The following RFT1 variants were observed in gnomAD, a reference collection of about 807,000 sequenced individuals.
The protein encoded by RFT1 is man(5)GlcNAc(2)-PP-dolichol translocation protein RFT1.
Under a neutral mutation model 62.2 loss-of-function variants are expected in RFT1, and 43 were observed. The ratio of observed to expected loss-of-function variants is 0.69; its 90% CI spans 0.54 to 0.89. RFT1 has a LOEUF of 0.89. Among genes scored for constraint, RFT1 ranks in the 40% least tolerant of loss-of-function variants. The pLI is 0.00. For synonymous variants in RFT1, 262 were observed against 264.6 expected (o/e 0.99, Z 0.10); for missense variants, 605 against 649.9 (o/e 0.93, Z 0.75).
intron 2 of RFT1, 49 bp downstream of exon 2, chr3:53,125,860 C>T (rs758319605): frequency 1.4e-6 from 2 of 1,423,442 alleles, no homozygotes; most frequent in Non-Finnish European, 2.0e-6. Context: ...TGAAGAAAGC[C>T]TGGCTAGGAA....
intron 10 of RFT1, among the ~76,000 whole-genome samples, chr3:53,101,562 T>C (rs1246172532): frequency 6.6e-6 from 1 of 152,164 alleles, no homozygotes; most frequent in African/African-American, 2.4e-5. Context: ...CCTTCGATTG[T>C]AGACTGAATT....
intron 10 of RFT1, chr3:53,103,165 A>G: frequency 1.0e-6 from 1 of 985,454 alleles, no homozygotes; most frequent in Non-Finnish European, 1.2e-6. Context: ...ATTGTAGTGG[A>G]GACTAAAACA....
intron 11 of RFT1, among the ~76,000 whole-genome samples, chr3:53,096,588 C>T (rs529539186): frequency 2.8e-4 from 42 of 151,890 alleles, no homozygotes; most frequent in Non-Finnish European, 5.3e-4. Context: ...GAGGCTGAGT[C>T]GGGAGAATCA....
At chr3:53,098,089 T>C (rs1701194537) in intron 11 of RFT1, among the ~76,000 whole-genome samples, 1 of 152,256 alleles carries the variant, frequency 6.6e-6, no homozygotes, top group Admixed American at 6.5e-5. Context: ...TGTGAACTCA[T>C]GTCTCAGTCA....
At position 53,105,410 on chromosome 3, in the gene RFT1, TCC is replaced by T. The variant is rs1553654051; in HGVS notation, c.957+261_957+262del. 5.2e-4 allele frequency among the ~76,000 whole-genome samples: 61 copies of T among 117,028 alleles called. No individual in the cohort carries two copies. In the South Asian group the frequency reaches 9.2e-3, roughly 18 times the overall value. 76.8% of individuals were successfully genotyped at this position (117,028 alleles called of 152,430 possible). On this transcript the variant is annotated intron_variant, in intron 9 of 12. Coordinates refer to ENST00000296292, the MANE Select transcript of RFT1 (RefSeq NM_052859.4). ...GGCTGGGCGTCAGAGCAAGACTCTA[TCC>T]CCGCCCCCCCCCCCAAAAAGAGTAA...
At position 53,099,273 on chromosome 3, in the gene RFT1, A is replaced by C. The variant is rs1701241585; in HGVS notation, c.1208+108T>G. 13 of 879,978 alleles carry C rather than the reference A, an allele frequency of 1.5e-5. No individual in the cohort carries two copies. The South Asian group carries it at 1.8e-4, about 12-fold the overall frequency. The allele number at this position is 879,978 out of a possible 1,614,324, so 54.5% of individuals were successfully genotyped here. On this transcript the variant is annotated intron_variant, in intron 11 of 12. Transcript: ENST00000296292. ...ACTGGTGGACTAAGTGTTGCCTCTA[A>C]AACAGCCATCTGTAAATGCATGTTC... is the stretch of plus-strand genomic sequence containing the variant.
intron 8 of RFT1, among the ~76,000 whole-genome samples, chr3:53,106,036 G>A (rs1701462044): frequency 6.6e-6 from 1 of 151,536 alleles, no homozygotes; most frequent in Admixed American, 6.6e-5. Flanking sequence ...AGTTTGAGAT[G>A]AGCCTGGGAA....
intron 10 of RFT1, among the ~76,000 whole-genome samples, chr3:53,102,032 A>G (rs1701330888): frequency 6.6e-6 from 1 of 151,676 alleles, no homozygotes; most frequent in African/African-American, 2.4e-5. Flanking sequence ...GTGAGACTTC[A>G]TCTCACTAAA....
rs745602045 is a variant in RFT1, at chr3:53,092,367, AC to A, written c.1458+1del. On this transcript the variant is annotated splice_donor_variant, in intron 12 of 12. Transcript: ENST00000296292. LOFTEE classifies it high-confidence loss of function. ...GTGGCATGATGGCTCAGGGAGTCTCACCTCCGAAACAGCAGTAACCCCACCA... is the reference window on the plus strand; with the variant it reads ...GTGGCATGATGGCTCAGGGAGTCTCACTCCGAAACAGCAGTAACCCCACCA... 4 of 1,596,990 alleles carry A rather than the reference AC, an allele frequency of 2.5e-6. No homozygotes were observed. The highest frequency in any genetic ancestry group is 3.4e-6 in the Non-Finnish European group (4 of 1,172,426).
intron 7 of RFT1, among the ~76,000 whole-genome samples, chr3:53,111,180 C>T (rs1385941679): frequency 2.0e-5 from 3 of 151,842 alleles, no homozygotes; most frequent in Admixed American, 6.6e-5. Flanking sequence ...CTGAGGCAGG[C>T]GGATCACAAG....
downstream of RFT1, among the ~76,000 whole-genome samples, chr3:53,083,743 C>T (rs1344656603): frequency 6.6e-6 from 1 of 152,220 alleles, no homozygotes; most frequent in African/African-American, 2.4e-5. Flanking sequence ...CACATGGTTT[C>T]CATCATGGTT....
chr3:53,113,084 T>C (rs537502722), intron 6 of RFT1, among the ~76,000 whole-genome samples: 15 of 152,172 alleles, frequency 9.9e-5, no homozygotes, highest in Non-Finnish European at 2.2e-4. Context: ...GGCATGATCA[T>C]AGCTCACTAT....
the RFT1 span, among the ~76,000 whole-genome samples, chr3:53,080,265 T>C: frequency 6.6e-6 from 1 of 152,218 alleles, no homozygotes; most frequent in Non-Finnish European, 1.5e-5. Flanking sequence ...AATGTGTGTC[T>C]GAAAGAGCAT....
At chr3:53,126,359 T>TC (rs1247545206) in intron 1 of RFT1, among the ~76,000 whole-genome samples, 1 of 152,082 alleles carries the variant, frequency 6.6e-6, no homozygotes, top group African/African-American at 2.4e-5. Flanking sequence ...CTGGCCACAC[T>TC]CCCCCACCCC....
chr3:53,087,273 G>A (rs915577460), downstream of RFT1, among the ~76,000 whole-genome samples: 6 of 152,094 alleles, frequency 3.9e-5, no homozygotes, highest in South Asian at 2.1e-4. Flanking sequence ...TCCCCTGTTC[G>A]GATTCTCTCT....
chr3:53,113,837 G>C (rs1397775680), intron 6 of RFT1, among the ~76,000 whole-genome samples: 4 of 152,118 alleles, frequency 2.6e-5, no homozygotes, highest in Non-Finnish European at 5.9e-5. Flanking sequence ...GGCAAGCCTA[G>C]AGCACCTCTG....
At chr3:53,096,719 A>G (rs1008744047) in intron 11 of RFT1, among the ~76,000 whole-genome samples, 1 of 152,110 alleles carries the variant, frequency 6.6e-6, no homozygotes. Flanking sequence ...GGATGTTTTA[A>G]TATTTCATAT....
Position 53,105,823 on chromosome 3 carries a change from A to C in RFT1, c.827-20T>G, listed in dbSNP as rs1473615260. ...ACACACCTACAAAACAAAAAAGAAG[A>C]AACAACAATCATGTTGGTTTTTCTA... On this transcript the variant is annotated intron_variant, in intron 8 of 12. Transcript: ENST00000296292. The C allele has an allele frequency of 6.2e-7, 1 of 1,609,010 alleles. No individual in the cohort carries two copies. Among genetic ancestry groups the C allele is most frequent in the Admixed American group, 1.7e-5 (1 of 59,762 alleles).
At chr3:53,085,575 C>G (rs868530951), downstream of RFT1, among the ~76,000 whole-genome samples, 2 of 152,344 alleles carry the variant, frequency 1.3e-5, no homozygotes, top group Middle Eastern at 3.4e-3. Context: ...TGTCCTTATC[C>G]TTATATACGA....
Sources: gnomAD v4.1 joint callset for allele counts (sites outside exome capture counted in the v4.1 genomes callset) on GRCh38, gnomAD v4.1.1 for gene constraint, MANE v1.5 for transcripts, NCBI Gene and HGNC (gene_info 2026-07-23, HGNC 2026-07-21) for gene names.